The following CCDC80 variants were observed in gnomAD, a reference collection of about 807,000 sequenced individuals.
CCDC80 encodes the protein coiled-coil domain containing 80, also known as coiled-coil domain-containing protein 80.
Under a neutral mutation model 78.7 loss-of-function variants are expected in CCDC80, and 49 were observed. The observed-to-expected ratio is 0.62, with a 90% CI of 0.50 to 0.79. The LOEUF (loss-of-function observed/expected upper bound fraction) is 0.79, where lower values mean the gene tolerates loss of function less well. CCDC80 is among the 30% of genes least tolerant of loss of function. The pLI, the probability that CCDC80 is intolerant of heterozygous loss-of-function variation, is 0.00. For synonymous variants in CCDC80, 488 were observed against 447.0 expected (o/e 1.09, Z -1.16); for missense variants, 1,205 against 1,198.6 (o/e 1.01, Z -0.08).
intron 3 of CCDC80, 81 bp downstream of exon 3, chr3:112,630,032 C>A: frequency 7.7e-7 from 1 of 1,292,608 alleles, no homozygotes; most frequent in South Asian, 1.3e-5. Flanking sequence ...TCTTTTGGAT[C>A]CCCCATGTAC....
At chr3:112,607,761 G>A (rs1287529434) in intron 6 of CCDC80, among the ~76,000 whole-genome samples, 2 of 152,176 alleles carry the variant, frequency 1.3e-5, no homozygotes, top group African/African-American at 4.8e-5. Context: ...ACTCCAGCTT[G>A]GGTGACAGAG....
intron 5 of CCDC80, among the ~76,000 whole-genome samples, chr3:112,612,091 C>T (rs1935643641): frequency 6.9e-6 from 1 of 145,534 alleles, no homozygotes; most frequent in Admixed American, 6.9e-5. Context: ...AAAATCTCTA[C>T]TGAGGACAGG....
intron 3 of CCDC80, among the ~76,000 whole-genome samples, chr3:112,628,050 A>G (rs1457624888): frequency 2.6e-5 from 4 of 152,164 alleles, no homozygotes; most frequent in African/African-American, 7.2e-5. Context: ...AGGAATGAGA[A>G]CACTTTGTGA....
At chr3:112,616,974 G>T (rs1935765594) in intron 4 of CCDC80, 116 bp from the exon 5 acceptor site, 3 of 1,021,686 alleles carry the variant, frequency 2.9e-6, no homozygotes, top group African/African-American at 3.2e-5. Flanking sequence ...TGAAATCAGA[G>T]CCTAGAAGAT....
chr3:112,638,589 C>T lies in CCDC80; in HGVS notation c.1317G>A (p.Leu439=). 2 of 1,614,016 alleles carry T rather than the reference C, an allele frequency of 1.2e-6. No individual in the cohort carries two copies. Among genetic ancestry groups the T allele is most frequent in the African/African-American group, 1.3e-5 (1 of 74,948 alleles). The change falls in exon 2 of 8, where the codon TTG becomes TTA. Residue 439 remains leucine, a synonymous_variant. Coordinates refer to ENST00000206423, the MANE Select transcript of CCDC80 (RefSeq NM_199511.3). ...TTRRPSKATS[L]ESFTNAPPTT... is the part of the protein sequence containing the mutation. ...TGGGAGGGGCATTTGTGAAGCTCTC[C>T]AAGCTGGTGGCCTTGCTGGGCCTCC...
chr3:112,608,057 T>A (rs1188480945), intron 6 of CCDC80, among the ~76,000 whole-genome samples: 1 of 152,260 alleles, frequency 6.6e-6, no homozygotes, highest in Non-Finnish European at 1.5e-5. Flanking sequence ...TATCCTCTGC[T>A]AAAGTTTCAG....
At position 112,610,009 on chromosome 3, in the gene CCDC80, G is replaced by T; in HGVS notation, c.2394C>A (p.Leu798=). The change falls in exon 6 of 8, where the codon CTC becomes CTA. Residue 798 remains leucine (L), a synonymous_variant. Coordinates refer to ENST00000206423, the MANE Select transcript of CCDC80 (RefSeq NM_199511.3). ...NDEDWAYSQQ[L]SALSGQACNF... is the part of the protein sequence containing the mutation. ...TGCACGCCTGACCACTGAGGGCAGAGAGCTGCTGTGAATAGGCCCAGTCTT... is the reference window on the plus strand; with the variant it reads ...TGCACGCCTGACCACTGAGGGCAGATAGCTGCTGTGAATAGGCCCAGTCTT... 1.9e-6 allele frequency: 3 copies of T among 1,614,032 alleles called. No homozygotes were observed. Among genetic ancestry groups the T allele is most frequent in the Non-Finnish European group, 2.5e-6 (3 of 1,179,988 alleles).
chr3:112,614,651 G>A (rs1480538474), intron 5 of CCDC80, among the ~76,000 whole-genome samples: 1 of 152,182 alleles, frequency 6.6e-6, no homozygotes, highest in African/African-American at 2.4e-5. Flanking sequence ...GTACTGCATT[G>A]AGAATTTGGA....
Position 112,603,095 on chromosome 3 carries a change from A to T in CCDC80, c.*2322T>A, listed in dbSNP as rs892163277. On this transcript the variant is annotated 3_prime_UTR_variant, in exon 8 of 8. Coordinates refer to ENST00000206423, the MANE Select transcript of CCDC80 (RefSeq NM_199511.3). ...CCTACGACTTTTCAGAATTATGCTA[A>T]ATCTAATCTGCCTGTGCTCTATAAA... 5 of 152,226 alleles carry T rather than the reference A, an allele frequency of 3.3e-5. No individual in the cohort carries two copies. The highest frequency in any genetic ancestry group is 1.2e-4 in the African/African-American group (5 of 41,456). 9.4% of individuals were successfully genotyped at this position (152,226 alleles called of 1,614,324 possible). A position where few individuals can be genotyped will look rare whatever the true frequency, so the allele number is the denominator to read the frequency against.
At position 112,630,235 on chromosome 3, in the gene CCDC80, T is replaced by C. The variant is rs1197797965; in HGVS notation, c.1913A>G (p.Tyr638Cys). ...ITAPKAENNM[Y>C]VQQRDEYLES... The stretch of plus-strand genomic sequence containing the variant: ...CAGATATTCATCACGTTGTTGCACA[T>C]ACATATTGTTCTCAGCCTTGGGAGC... Residue 638 changes from tyrosine (Y) to cysteine (C), a missense_variant, in exon 3 of 8, where the codon TAT becomes TGT. Transcript: ENST00000206423. 1 of 1,613,782 alleles carries C rather than the reference T, an allele frequency of 6.2e-7. No individual in the cohort carries two copies. The highest frequency in any genetic ancestry group is 1.7e-5 in the Admixed American group (1 of 59,986).
chr3:112,627,866 G>GAA (rs60731413), intron 3 of CCDC80, among the ~76,000 whole-genome samples: 8,675 of 119,848 alleles, frequency 0.072, 404 homozygotes, highest in Middle Eastern at 0.2. Flanking sequence ...CAATAAGGCA[G>GAA]AAAAAAAAAA....
intron 7 of CCDC80, 90 bp from the exon 8 acceptor site, chr3:112,605,853 A>G (rs1935476249): frequency 9.4e-7 from 1 of 1,069,026 alleles, no homozygotes; most frequent in East Asian, 2.5e-5. Flanking sequence ...CTGTGAGAAT[A>G]GGGAGGACCC....
chr3:112,611,923 T>A (rs898905654), intron 5 of CCDC80, among the ~76,000 whole-genome samples: 1 of 152,026 alleles, frequency 6.6e-6, no homozygotes, highest in Admixed American at 6.5e-5. Flanking sequence ...CTTGAGGGAA[T>A]AGTGGTTTGG....
At chr3:112,629,733 G>A (rs1450043145) in intron 3 of CCDC80, among the ~76,000 whole-genome samples, 1 of 152,170 alleles carries the variant, frequency 6.6e-6, no homozygotes, top group Non-Finnish European at 1.5e-5. Flanking sequence ...TCTGTGATGA[G>A]TCACCTGCAG....
chr3:112,614,494 G>C (rs1202765867), intron 5 of CCDC80, among the ~76,000 whole-genome samples: 1 of 151,924 alleles, frequency 6.6e-6, no homozygotes, highest in African/African-American at 2.4e-5. Context: ...TGGATCAGAA[G>C]TTGGTGTTTT....
At chr3:112,611,416 T>C (rs1935626113) in intron 5 of CCDC80, among the ~76,000 whole-genome samples, 1 of 152,222 alleles carries the variant, frequency 6.6e-6, no homozygotes, top group South Asian at 2.1e-4. Context: ...AAATAACCTA[T>C]TCTTAGTCCT....
At chr3:112,620,962 C>T (rs1935852072) in intron 3 of CCDC80, among the ~76,000 whole-genome samples, 1 of 152,166 alleles carries the variant, frequency 6.6e-6, no homozygotes, top group Non-Finnish European at 1.5e-5. Context: ...AGTTCAAGCT[C>T]CTACTTAGAA....
chr3:112,620,872 A>G lies in CCDC80; in HGVS notation c.2036-1768T>C, dbSNP rs553331765. 1.1e-4 allele frequency among the ~76,000 whole-genome samples: 16 copies of G among 152,350 alleles called. 2 individuals carry two copies. The South Asian group carries it at 3.3e-3, about 32-fold the overall frequency. On this transcript the variant is annotated intron_variant, in intron 3 of 7. Transcript: ENST00000206423. Reference sequence around the variant, plus strand: ...CATACATTCATTCTTGCTTTTGTTCATTCAACGAAATATTTATCACTAATG... The same window carrying G: ...CATACATTCATTCTTGCTTTTGTTCGTTCAACGAAATATTTATCACTAATG...
At chr3:112,629,032 C>G (rs904205179) in intron 3 of CCDC80, among the ~76,000 whole-genome samples, 1 of 151,986 alleles carries the variant, frequency 6.6e-6, no homozygotes, top group Non-Finnish European at 1.5e-5. Flanking sequence ...AAGGCTAGAC[C>G]ATATTCAAAT....
Sources: allele counts gnomAD v4.1 joint callset (sites outside exome capture counted in the v4.1 genomes callset), GRCh38; gene constraint gnomAD v4.1.1; transcripts MANE v1.5; gene names NCBI Gene and HGNC (gene_info 2026-07-23, HGNC 2026-07-21).